CFAP206: variants seen among roughly 807,000 people sequenced by gnomAD.
CFAP206 encodes cilia- and flagella-associated protein 206.
Under a neutral mutation model 65.4 loss-of-function variants are expected in CFAP206, and 53 were observed. The ratio of observed to expected loss-of-function variants is 0.81; its 90% CI spans 0.65 to 1.02. The LOEUF (loss-of-function observed/expected upper bound fraction) is 1.02. Ranked by LOEUF, CFAP206 falls within the 50% of genes least tolerant of loss-of-function variation. CFAP206 has a pLI of 0.00. For synonymous variants in CFAP206, 250 were observed against 254.4 expected (o/e 0.98, Z 0.17); for missense variants, 663 against 753.2 (o/e 0.88, Z 1.40).
rs753261037 is a variant in CFAP206 at position 87,413,910 on chromosome 6, A to C, written c.283+10A>C. ...AATTATACGAATCGAGGTAATGTAT[A>C]CTACCTATTTTTATACTTAAAAAAT... On this transcript the variant is annotated intron_variant, in intron 4 of 12. Coordinates refer to ENST00000369562, the MANE Select transcript of CFAP206 (RefSeq NM_001031743.3). 4.2e-6 allele frequency: 6 copies of C among 1,416,152 alleles called. No homozygotes were observed. In the African/African-American group the frequency reaches 9.0e-5, roughly 21 times the overall value. 87.7% of individuals were successfully genotyped at this position (1,416,152 alleles called of 1,614,324 possible). A position where few individuals can be genotyped will look rare whatever the true frequency, so the allele number is the denominator to read the frequency against.
intron 6 of CFAP206, 115 bp from the exon 7 acceptor site, chr6:87,418,093 T>G: frequency 1.1e-6 from 1 of 901,968 alleles, no homozygotes. Context: ...ATTACTAATT[T>G]GATTGGGGAG....
chr6:87,413,740 ATAACTT>A, intron 3 of CFAP206, 64 bp from the exon 4 acceptor site: 1 of 928,224 alleles, frequency 1.1e-6, no homozygotes, highest in Non-Finnish European at 1.6e-6. Context: ...ATTTTTGAAA[ATAACTT>A]TAGGAAATAC....
chr6:87,445,949 T>G (rs1360293342), intron 11 of CFAP206, among the ~76,000 whole-genome samples: 3 of 152,108 alleles, frequency 2.0e-5, no homozygotes, highest in Non-Finnish European at 4.4e-5. Context: ...GTTTCTCTAA[T>G]CAATGATATT....
At chr6:87,457,023 G>GGGCA (rs1768655921) in intron 11 of CFAP206, among the ~76,000 whole-genome samples, 1 of 151,262 alleles carries the variant, frequency 6.6e-6, no homozygotes, top group Non-Finnish European at 1.5e-5. Context: ...GGTGGCAGGT[G>GGGCA]CCTGTTGTCC....
intron 11 of CFAP206, among the ~76,000 whole-genome samples, chr6:87,449,232 T>G (rs1448396314): frequency 6.6e-6 from 1 of 151,862 alleles, no homozygotes; most frequent in Non-Finnish European, 1.5e-5. Context: ...GTCAGGAGAT[T>G]GAGACCATCC....
chr6:87,413,775 A>G (rs1330332697), intron 3 of CFAP206, 35 bp from the exon 4 acceptor site: 7 of 1,255,960 alleles, frequency 5.6e-6, no homozygotes, highest in African/African-American at 4.6e-5. Flanking sequence ...CTCAAAAACT[A>G]TAACTAGAAG....
At chr6:87,462,148 T>C (rs532862683) in intron 12 of CFAP206, among the ~76,000 whole-genome samples, 5 of 152,344 alleles carry the variant, frequency 3.3e-5, no homozygotes, top group African/African-American at 1.2e-4. Flanking sequence ...GAGACTGGCT[T>C]CCCTGACTGG....
chr6:87,458,559 G>C (rs1254538339), intron 11 of CFAP206, among the ~76,000 whole-genome samples: 1 of 152,102 alleles, frequency 6.6e-6, no homozygotes, highest in Non-Finnish European at 1.5e-5. Context: ...AATAAGCCAG[G>C]CACAGAAAGA....
At chr6:87,413,705 A>G (rs1767775278) in intron 3 of CFAP206, 105 bp from the exon 4 acceptor site, 2 of 687,006 alleles carry the variant, frequency 2.9e-6, no homozygotes, top group Non-Finnish European at 4.9e-6. Context: ...GTGAATCAAT[A>G]TCAGGAACCA....
chr6:87,418,549 A>G lies in CFAP206; in HGVS notation c.840+133A>G, dbSNP rs6454618. The G allele has an allele frequency of 0.3, 202,345 of 684,326 alleles. 32,107 individuals are homozygous for G. Among genetic ancestry groups the G allele is most frequent in the African/African-American group, 0.51 (28,092 of 55,152 alleles). 42.4% of individuals were successfully genotyped at this position (684,326 alleles called of 1,614,324 possible). On this transcript the variant is annotated intron_variant, in intron 7 of 12. Transcript: ENST00000369562. ...TGCTCGGTTTATATTGCTTTGGTAG[A>G]GTTAGGAATCAAAATAGAAACAGAA...
chr6:87,453,338 G>GT (rs1768578350), intron 11 of CFAP206, among the ~76,000 whole-genome samples: 2 of 152,126 alleles, frequency 1.3e-5, no homozygotes, highest in African/African-American at 2.4e-5. Context: ...GTTAAAGGGA[G>GT]TTCTTCAATC....
At chr6:87,421,257 A>C (rs1767935442) in intron 7 of CFAP206, among the ~76,000 whole-genome samples, 1 of 152,166 alleles carries the variant, frequency 6.6e-6, no homozygotes, top group Admixed American at 6.6e-5. Context: ...AGGCTGAGGC[A>C]GGCAGATCAC....
intron 11 of CFAP206, among the ~76,000 whole-genome samples, chr6:87,460,041 C>A (rs1768717614): frequency 6.6e-6 from 1 of 152,134 alleles, no homozygotes; most frequent in Non-Finnish European, 1.5e-5. Flanking sequence ...TTTTTAAAAT[C>A]TACCTAAATA....
intron 11 of CFAP206, among the ~76,000 whole-genome samples, chr6:87,449,491 A>G (rs1251173746): frequency 1.3e-5 from 2 of 149,896 alleles, no homozygotes; most frequent in Non-Finnish European, 3.0e-5. Context: ...CCTCACCAGC[A>G]TTTGTTGTTT....
chr6:87,460,942 A>T, intron 11 of CFAP206, 80 bp from the exon 12 acceptor site: 2 of 1,242,980 alleles, frequency 1.6e-6, no homozygotes, highest in Non-Finnish European at 2.2e-6. Context: ...GTGTTTTGTT[A>T]GTTTTAGCTA....
chr6:87,459,811 T>C (rs1332517622), intron 11 of CFAP206, among the ~76,000 whole-genome samples: 2 of 152,216 alleles, frequency 1.3e-5, no homozygotes, highest in African/African-American at 4.8e-5. Context: ...GTATGTTGTA[T>C]GTGGATAATG....
intron 1 of CFAP206, among the ~76,000 whole-genome samples, chr6:87,409,536 T>TA (rs376695209): frequency 0.16 from 22,883 of 147,582 alleles, 1,894 homozygotes; most frequent in African/African-American, 0.19. Flanking sequence ...TTTTTTTTTT[T>TA]AATTAAGAAT....
intron 3 of CFAP206, among the ~76,000 whole-genome samples, chr6:87,412,879 C>T (rs544627258): frequency 2.6e-5 from 4 of 152,210 alleles, no homozygotes; most frequent in South Asian, 2.1e-4. Context: ...AGGCTGGTCT[C>T]GAACTCCTGA....
At chr6:87,423,145 C>G (rs1225409111) in intron 7 of CFAP206, among the ~76,000 whole-genome samples, 2 of 152,152 alleles carry the variant, frequency 1.3e-5, no homozygotes, top group African/African-American at 4.8e-5. Context: ...TCTCGAACTC[C>G]TGGCCTCAAG....
Sources: gnomAD v4.1 joint callset for allele counts (sites outside exome capture counted in the v4.1 genomes callset) on GRCh38, gnomAD v4.1.1 for gene constraint, MANE v1.5 for transcripts, NCBI Gene and HGNC (gene_info 2026-07-23, HGNC 2026-07-21) for gene names.